Variants in UBAC2 observed in about 807,000 individuals in gnomAD.
UBAC2 encodes the protein UBA domain containing 2, also known as ubiquitin-associated domain-containing protein 2.
Under a neutral mutation model 44.0 loss-of-function variants are expected in UBAC2, and 26 were observed. The ratio of observed to expected loss-of-function variants is 0.59; its 90% confidence interval spans 0.43 to 0.82. UBAC2 has a LOEUF of 0.82. UBAC2 is among the 40% of genes least tolerant of loss of function. The pLI, the probability that UBAC2 is intolerant of heterozygous loss-of-function variation, is 0.00. For missense variants in UBAC2, 329 were observed against 419.4 expected, an observed-to-expected ratio of 0.78 and a Z score of 1.88; for synonymous variants, 155 against 154.3, an observed-to-expected ratio of 1.00 and a Z score of -0.04.
intron 1 of UBAC2, among the ~76,000 whole-genome samples, chr13:99,214,349 T>G (rs1024119077): frequency 6.6e-6 from 1 of 152,084 alleles, no homozygotes; most frequent in African/African-American, 2.4e-5. Flanking sequence ...GATTCCTAAG[T>G]ACCTAGTGTG....
chr13:99,235,470 CA>C (rs1190441218), intron 1 of UBAC2, among the ~76,000 whole-genome samples: 1 of 151,918 alleles, frequency 6.6e-6, no homozygotes, highest in African/African-American at 2.4e-5. Context: ...TCTGAGTAGC[CA>C]AAATAATCCT....
chr13:99,327,690 C>A (rs189883651), intron 6 of UBAC2, among the ~76,000 whole-genome samples: 125 of 152,300 alleles, frequency 8.2e-4, no homozygotes, highest in Non-Finnish European at 1.3e-3. Context: ...TAGCTGAGAA[C>A]ATTTTCAAAG....
At chr13:99,311,939 C>T (rs2044416544) in intron 4 of UBAC2, among the ~76,000 whole-genome samples, 1 of 152,240 alleles carries the variant, frequency 6.6e-6, no homozygotes, top group African/African-American at 2.4e-5. Context: ...CCACCCAGTC[C>T]CTGCCATCCT....
chr13:99,352,025 CTT>C lies in UBAC2; in HGVS notation c.807+11462_807+11463del, dbSNP rs2045100128. 2.0e-5 allele frequency among the ~76,000 whole-genome samples: 3 copies of C among 152,330 alleles called. No individual in the cohort carries two copies. The South Asian group carries it at 6.2e-4, about 32-fold the overall frequency. ...CTGTGGCTGTGAAAATTGTTTCTCTCTTTATCCTCCCCCAGCAACAGCCATTT... is the reference window on the plus strand; with the variant it reads ...CTGTGGCTGTGAAAATTGTTTCTCTCTATCCTCCCCCAGCAACAGCCATTT... On this transcript the variant is annotated intron_variant, in intron 7 of 8. Transcript: ENST00000403766.
At position 99,367,859 on chromosome 13, in the gene UBAC2, C is replaced by T. The variant is rs370006065; in HGVS notation, c.880C>T (p.Arg294Trp). Residue 294 changes from arginine to tryptophan, a missense_variant, in exon 8 of 9, where the codon CGG (arginine) becomes TGG (tryptophan). Transcript: ENST00000403766. ...ACAAAACGTAAACTATCAGGGCGGT[C>T]GGCAGTCTGAGCCAGCAGCGCCCCC... ...QRQNVNYQGG[R>W]QSEPAAPPLE... 49 of 1,613,734 alleles carry T rather than the reference C, an allele frequency of 3.0e-5. No individual in the cohort carries two copies. The highest frequency in any genetic ancestry group is 8.8e-5 in the South Asian group (8 of 91,060).
At chr13:99,358,558 G>A (rs896574915) in intron 7 of UBAC2, among the ~76,000 whole-genome samples, 2 of 152,170 alleles carry the variant, frequency 1.3e-5, no homozygotes, top group African/African-American at 2.4e-5. Context: ...GCTTGTGATT[G>A]TTAATGAGTT....
At chr13:99,262,067 A>C (rs61970283) in intron 4 of UBAC2, among the ~76,000 whole-genome samples, 1,648 of 152,284 alleles carry the variant, frequency 0.011, 11 homozygotes, top group Middle Eastern at 0.024. Flanking sequence ...CCAGGACATG[A>C]GTCCTCCCTT....
At chr13:99,224,924 T>C (rs1377323932) in intron 1 of UBAC2, among the ~76,000 whole-genome samples, 2 of 152,214 alleles carry the variant, frequency 1.3e-5, no homozygotes, top group African/African-American at 2.4e-5. Flanking sequence ...TATATACTTA[T>C]CCTGTGATGT....
At chr13:99,231,003 G>A (rs2142708251) in intron 1 of UBAC2, among the ~76,000 whole-genome samples, 1 of 152,040 alleles carries the variant, frequency 6.6e-6, no homozygotes, top group South Asian at 2.1e-4. Context: ...AGCTGAGATT[G>A]TGCCACTGTA....
intron 4 of UBAC2, among the ~76,000 whole-genome samples, chr13:99,294,187 A>G (rs2044132928): frequency 6.6e-6 from 1 of 152,118 alleles, no homozygotes; most frequent in African/African-American, 2.4e-5. Flanking sequence ...TGATAACTCA[A>G]ACCATTGAAA....
intron 7 of UBAC2, among the ~76,000 whole-genome samples, chr13:99,345,436 C>T (rs1027286089): frequency 6.6e-6 from 1 of 152,106 alleles, no homozygotes; most frequent in African/African-American, 2.4e-5. Flanking sequence ...CAGAGGAGTG[C>T]CTTGGCTGGG....
chr13:99,330,526 A>C (rs938245095), intron 6 of UBAC2, among the ~76,000 whole-genome samples: 1 of 150,888 alleles, frequency 6.6e-6, no homozygotes, highest in Admixed American at 6.6e-5. Context: ...CAACTTTTCT[A>C]AATGTGTTTA....
chr13:99,245,459 G>A (rs1462550500), intron 4 of UBAC2, among the ~76,000 whole-genome samples: 1 of 152,102 alleles, frequency 6.6e-6, no homozygotes, highest in Non-Finnish European at 1.5e-5. Flanking sequence ...TTCATATTGC[G>A]TTGATCTTCT....
intron 1 of UBAC2, among the ~76,000 whole-genome samples, chr13:99,206,891 T>G (rs1180500782): frequency 6.6e-6 from 1 of 152,258 alleles, no homozygotes; most frequent in African/African-American, 2.4e-5. Flanking sequence ...TCCTTCCGCT[T>G]CCTGCTCCCT....
chr13:99,247,898 A>T (rs1305149853), intron 4 of UBAC2, among the ~76,000 whole-genome samples: 1 of 148,070 alleles, frequency 6.8e-6, no homozygotes, highest in Non-Finnish European at 1.5e-5. Context: ...TCACCACTAT[A>T]TAGGAACTTC....
intron 4 of UBAC2, among the ~76,000 whole-genome samples, chr13:99,305,663 C>T (rs1393204680): frequency 3.3e-5 from 5 of 152,154 alleles, no homozygotes; most frequent in African/African-American, 1.2e-4. Context: ...CTAATTAGCT[C>T]TAGGAAGCCA....
intron 1 of UBAC2, chr13:99,201,676 G>A: frequency 1.6e-6 from 2 of 1,221,508 alleles, no homozygotes; most frequent in Admixed American, 2.2e-5. Flanking sequence ...CACGGGTACA[G>A]CAACGGAGAA....
intron 1 of UBAC2, among the ~76,000 whole-genome samples, chr13:99,235,216 A>G (rs144183700): frequency 1.8e-4 from 28 of 152,348 alleles, no homozygotes; most frequent in East Asian, 1.7e-3. Flanking sequence ...CCAGGAATCA[A>G]TTAACCAAAG....
At chr13:99,384,427 T>C (rs1161620004) in intron 8 of UBAC2, among the ~76,000 whole-genome samples, 1 of 152,236 alleles carries the variant, frequency 6.6e-6, no homozygotes, top group African/African-American at 2.4e-5. Context: ...TTTAGTAACA[T>C]TGCCAATTTC....
Sources: allele counts gnomAD v4.1 joint callset (sites outside exome capture counted in the v4.1 genomes callset), GRCh38; gene constraint gnomAD v4.1.1; transcripts MANE v1.5; gene names NCBI Gene and HGNC (gene_info 2026-07-23, HGNC 2026-07-21).